The following UXS1 variants were observed in gnomAD, a reference collection of about 807,000 sequenced individuals.
The protein encoded by UXS1 is UDP-glucuronate decarboxylase 1.
A neutral mutation model predicts 62.6 loss-of-function variants in UXS1; 33 were observed. That is an observed-to-expected ratio of 0.53 (90% CI 0.40 to 0.70). UXS1 has a LOEUF of 0.70. Among genes scored for constraint, UXS1 ranks in the 30% least tolerant of loss-of-function variants. The pLI is 0.00. For synonymous variants in UXS1, 213 were observed against 206.8 expected (o/e 1.03, Z -0.26); for missense variants, 434 against 556.3 (o/e 0.78, Z 2.21).
chr2:106,111,473 G>C (rs902398212), intron 10 of UXS1, among the ~76,000 whole-genome samples: 4 of 152,190 alleles, frequency 2.6e-5, no homozygotes, highest in Non-Finnish European at 5.9e-5. Flanking sequence ...TAACAGGCTA[G>C]GCTTTTGGTT....
chr2:106,180,836 C>T (rs1404036999), intron 1 of UXS1, among the ~76,000 whole-genome samples: 1 of 152,174 alleles, frequency 6.6e-6, no homozygotes, highest in East Asian at 1.9e-4. Flanking sequence ...TCTCCTTCCT[C>T]CTCTCCTCCC....
intron 4 of UXS1, among the ~76,000 whole-genome samples, chr2:106,162,562 A>G (rs1325566990): frequency 6.6e-6 from 1 of 152,252 alleles, no homozygotes; most frequent in African/African-American, 2.4e-5. Flanking sequence ...GCTTCAATTA[A>G]GATCTCTCAA....
chr2:106,126,661 T>C (rs1679981639), intron 7 of UXS1, among the ~76,000 whole-genome samples: 1 of 152,206 alleles, frequency 6.6e-6, no homozygotes, highest in African/African-American at 2.4e-5. Flanking sequence ...TCTTCCTGAT[T>C]AAATTTTTTG....
At chr2:106,185,705 G>T (rs950321292) in intron 1 of UXS1, among the ~76,000 whole-genome samples, 1 of 152,224 alleles carries the variant, frequency 6.6e-6, no homozygotes, top group Non-Finnish European at 1.5e-5. Flanking sequence ...TGTAATTAAA[G>T]ATCTCAAGAC....
intron 10 of UXS1, among the ~76,000 whole-genome samples, chr2:106,107,683 C>T (rs1355885647): frequency 6.6e-6 from 1 of 152,218 alleles, no homozygotes; most frequent in Non-Finnish European, 1.5e-5. Flanking sequence ...AAATAACCTG[C>T]AGTCTGCTGG....
chr2:106,130,839 T>C lies in UXS1; in HGVS notation c.473-1061A>G, dbSNP rs987762959. Among the ~76,000 whole-genome samples, 13 of 152,290 alleles carry C rather than the reference T, an allele frequency of 8.5e-5. No individual in the cohort carries two copies. In the South Asian group the frequency reaches 1.5e-3, roughly 17 times the overall value. On this transcript the variant is annotated intron_variant, in intron 6 of 14. Coordinates refer to ENST00000283148, the MANE Select transcript of UXS1 (RefSeq NM_001253875.2). Reference sequence around the variant, plus strand: ...CACCCTGAAGCAGGCTGGGAGACTCTAGACCTTCATTCATATATATATATT... The same window carrying C: ...CACCCTGAAGCAGGCTGGGAGACTCCAGACCTTCATTCATATATATATATT...
intron 10 of UXS1, among the ~76,000 whole-genome samples, chr2:106,109,563 T>C (rs538745595): frequency 3.9e-5 from 6 of 152,326 alleles, no homozygotes; most frequent in African/African-American, 1.2e-4. Context: ...GTGAGTGCCA[T>C]AACTGAACTG....
At chr2:106,177,692 C>T (rs1244571940) in intron 1 of UXS1, among the ~76,000 whole-genome samples, 1 of 152,216 alleles carries the variant, frequency 6.6e-6, no homozygotes, top group East Asian at 1.9e-4. Context: ...CATCTATGAA[C>T]AGGAATTGGG....
chr2:106,113,665 T>C (rs1678814120), intron 9 of UXS1, among the ~76,000 whole-genome samples: 1 of 152,210 alleles, frequency 6.6e-6, no homozygotes, highest in African/African-American at 2.4e-5. Flanking sequence ...GCTTTTACAG[T>C]GTATACGTAT....
intron 1 of UXS1, among the ~76,000 whole-genome samples, chr2:106,177,535 AT>A (rs1297695467): frequency 2.0e-5 from 3 of 152,162 alleles, no homozygotes; most frequent in African/African-American, 7.2e-5. Context: ...GTATTTGTTT[AT>A]TTTAGAAGTC....
intron 12 of UXS1, 169 bp downstream of exon 12, chr2:106,100,889 T>C (rs561538466): frequency 1.6e-5 from 13 of 818,034 alleles, no homozygotes; most frequent in African/African-American, 1.5e-4. Context: ...CTTCTTTGTA[T>C]ACTCTTACTT....
At chr2:106,116,062 G>A (rs972414413) in intron 9 of UXS1, among the ~76,000 whole-genome samples, 1 of 152,196 alleles carries the variant, frequency 6.6e-6, no homozygotes, top group African/African-American at 2.4e-5. Context: ...AGAGAGGGGT[G>A]AGGGCTTGGG....
At chr2:106,137,202 A>T (rs1294544741) in intron 6 of UXS1, among the ~76,000 whole-genome samples, 2 of 152,214 alleles carry the variant, frequency 1.3e-5, no homozygotes, top group Non-Finnish European at 2.9e-5. Context: ...GCTGAAAAAC[A>T]GCTAAAAATA....
chr2:106,174,320 G>A (rs2105086334), intron 1 of UXS1, among the ~76,000 whole-genome samples: 1 of 152,362 alleles, frequency 6.6e-6, no homozygotes, highest in South Asian at 2.1e-4. Flanking sequence ...ACAGTGAGGT[G>A]CTGTAGTCTG....
At chr2:106,122,821 C>G (rs1423511936) in intron 9 of UXS1, 149 bp downstream of exon 9, 1 of 1,002,240 alleles carries the variant, frequency 1.0e-6, no homozygotes, top group Non-Finnish European at 1.4e-6. Flanking sequence ...TTGATAATAC[C>G]ATTAATTTAT....
chr2:106,176,930 G>C (rs1683918918), intron 1 of UXS1, among the ~76,000 whole-genome samples: 1 of 152,174 alleles, frequency 6.6e-6, no homozygotes, highest in African/African-American at 2.4e-5. Flanking sequence ...CTGAAATCCA[G>C]CTATAAAACC....
At chr2:106,124,859 C>A (rs1679798129) in intron 8 of UXS1, among the ~76,000 whole-genome samples, 1 of 152,006 alleles carries the variant, frequency 6.6e-6, no homozygotes, top group African/African-American at 2.4e-5. Flanking sequence ...CATTTGGTTT[C>A]CTTAATTAAA....
rs937429843 is a variant in UXS1, at chr2:106,130,862, A to T, written c.473-1084T>A. Among the ~76,000 whole-genome samples the T allele has an allele frequency of 1.8e-4, 28 of 151,996 alleles. 1 individual carries two copies. Among genetic ancestry groups the T allele is most frequent in the Middle Eastern group, 3.4e-3 (1 of 294 alleles). On this transcript the variant is annotated intron_variant, in intron 6 of 14. Transcript: ENST00000283148. ...TCTAGACCTTCATTCATATATATAT[A>T]TTTTTTTTAACATTTGAAAGCCAAG...
At chr2:106,139,291 A>AG (rs1202623851) in intron 6 of UXS1, among the ~76,000 whole-genome samples, 1 of 152,216 alleles carries the variant, frequency 6.6e-6, no homozygotes, top group Non-Finnish European at 1.5e-5. Flanking sequence ...CTAGAAAAAT[A>AG]GAAGTCTCAA....
Sources: allele counts gnomAD v4.1 joint callset (sites outside exome capture counted in the v4.1 genomes callset), GRCh38; gene constraint gnomAD v4.1.1; transcripts MANE v1.5; gene names NCBI Gene and HGNC (gene_info 2026-07-23, HGNC 2026-07-21).